NDRG4: variants seen among roughly 807,000 people sequenced by gnomAD.
NDRG4 encodes the protein NDRG family member 4.
A neutral mutation model predicts 55.8 loss-of-function variants in NDRG4; 38 were observed. The observed-to-expected ratio is 0.68, with a 90% CI of 0.53 to 0.89. The LOEUF (loss-of-function observed/expected upper bound fraction) is 0.89, where lower values mean the gene tolerates loss of function less well. Among genes scored for constraint, NDRG4 ranks in the 40% least tolerant of loss-of-function variants. The pLI is 0.00. For synonymous variants in NDRG4, 190 were observed against 182.7 expected (o/e 1.04, Z -0.32); for missense variants, 455 against 468.6 (o/e 0.97, Z 0.27).
chr16:58,478,693 T>TTTTG (rs1362928713), intron 1 of NDRG4, among the ~76,000 whole-genome samples: 3 of 14,346 alleles, frequency 2.1e-4, no homozygotes, highest in African/African-American at 5.1e-4. Context: ...CTTTTTTGTT[T>TTTTG]TTTGTTTTTT....
Position 58,493,866 on chromosome 16 carries a change from G to C in NDRG4, c.73-1098G>C, listed in dbSNP as rs142838851. Among the ~76,000 whole-genome samples the C allele has an allele frequency of 1.1e-4, 16 of 152,306 alleles. 1 individual carries two copies. The highest frequency in any genetic ancestry group is 4.6e-4 in the Admixed American group (7 of 15,304). ...AAGTGGCCCGAGTCTGAGCTGGCCA[G>C]CTGTCTTGTTGTACAGATGGGGAGA... On this transcript the variant is annotated intron_variant, in intron 2 of 15. Transcript: ENST00000258187.
chr16:58,511,694 GA>G lies in NDRG4; in HGVS notation c.*125del, dbSNP rs552415978. The G allele has an allele frequency of 1.6e-6, 2 of 1,274,728 alleles. No homozygotes were observed. Among genetic ancestry groups the G allele is most frequent in the Middle Eastern group, 1.9e-4 (1 of 5,400 alleles). The allele number at this position is 1,274,728 out of a possible 1,614,324, so 79.0% of individuals were successfully genotyped here. A position where few individuals can be genotyped will look rare whatever the true frequency, so the allele number is the denominator to read the frequency against. On this transcript the variant is annotated 3_prime_UTR_variant, in exon 15 of 15. Transcript: ENST00000570248. The stretch of plus-strand genomic sequence containing the variant: ...AAGGGGAGGAAATGGGGTTCTGTTT[GA>G]AAAAAATGAGGGGATCTTAGATGCT...
intron 4 of NDRG4, 61 bp from the exon 5 acceptor site, chr16:58,504,528 G>A: frequency 6.2e-7 from 1 of 1,612,528 alleles, no homozygotes; most frequent in Non-Finnish European, 8.5e-7. Context: ...GGCCTGCTCT[G>A]GATGACATGT....
chr16:58,466,482 C>T (rs534645174), intron 1 of NDRG4, among the ~76,000 whole-genome samples: 1 of 152,336 alleles, frequency 6.6e-6, no homozygotes, highest in East Asian at 1.9e-4. Context: ...ACTGTTCTCT[C>T]ATCTCCTGGA....
intron 2 of NDRG4, chr16:58,487,974 C>T (rs1478582443): frequency 1.5e-6 from 1 of 671,890 alleles, no homozygotes; most frequent in Non-Finnish European, 2.3e-6. Context: ...GAAGCCCTGT[C>T]CCTGCCTGTG....
downstream of NDRG4, among the ~76,000 whole-genome samples, chr16:58,514,380 G>A (rs1434763000): frequency 2.6e-5 from 4 of 152,014 alleles, no homozygotes; most frequent in Non-Finnish European, 5.9e-5. Context: ...TAATTCTACA[G>A]AGTAGGTATT....
rs77871690 is a variant in NDRG4 at position 58,482,448 on chromosome 16, G to A, written c.-23-5308G>A. 2.0e-4 allele frequency among the ~76,000 whole-genome samples: 30 copies of A among 152,052 alleles called. No individual in the cohort carries two copies. In the East Asian group the frequency reaches 3.9e-3, roughly 20 times the overall value. ...TGCCCTCTTCTCTTTCAGTTCTAGC[G>A]TTTCTCACTGTGCAGCTGTGGGGGG... On this transcript the variant is annotated intron_variant, in intron 1 of 15. Transcript: ENST00000258187.
chr16:58,508,000 G>T lies in NDRG4; in HGVS notation c.729+1G>T. On this transcript the variant is annotated splice_donor_variant, in intron 10 of 14. Coordinates refer to ENST00000570248, the MANE Select transcript of NDRG4 (RefSeq NM_001242835.2). LOFTEE classifies it high-confidence loss of function. ...TAATGCACCCGCTGAGGACGGGGTG[G>T]TAAGTGAGGGGCTGTGGGCTCACTG... The T allele has an allele frequency of 6.5e-7, 1 of 1,548,768 alleles. No individual in the cohort carries two copies. The highest frequency in any genetic ancestry group is 8.8e-7 in the Non-Finnish European group (1 of 1,139,228).
chr16:58,491,304 GAC>G (rs1301306623), intron 2 of NDRG4, among the ~76,000 whole-genome samples: 2 of 151,884 alleles, frequency 1.3e-5, no homozygotes, highest in African/African-American at 2.4e-5. Flanking sequence ...CCCCACACCC[GAC>G]ACAGCCTCCT....
Position 58,509,207 on chromosome 16 carries a change from C to T in NDRG4, c.813+18C>T, listed in dbSNP as rs1408783838. On this transcript the variant is annotated intron_variant, in intron 12 of 14. Coordinates refer to ENST00000570248, the MANE Select transcript of NDRG4 (RefSeq NM_001242835.2). ...TCACACAGGTGAGACTTTTGGCCCT[C>T]CTGCCCTTACATCTATGGGGAGGGG... is the stretch of plus-strand genomic sequence containing the variant. The T allele has an allele frequency of 6.2e-7, 1 of 1,614,038 alleles. No homozygotes were observed. The highest frequency in any genetic ancestry group is 1.3e-5 in the African/African-American group (1 of 75,056).
At chr16:58,505,274 G>A (rs1422945915) in intron 5 of NDRG4, among the ~76,000 whole-genome samples, 9 of 151,922 alleles carry the variant, frequency 5.9e-5, no homozygotes, top group South Asian at 4.2e-4. Flanking sequence ...GCGTGAACCC[G>A]GGAGGCGGAG....
rs779473271 is a variant in NDRG4, at chr16:58,504,371, C to T, written c.261C>T (p.Pro87=). The T allele has an allele frequency of 1.2e-6, 2 of 1,613,328 alleles. No homozygotes were observed. Among genetic ancestry groups the T allele is most frequent in the East Asian group, 2.2e-5 (1 of 44,886 alleles). The change falls in exon 4 of 15, where the codon CCC becomes CCT. Residue 87 remains proline (P), a synonymous_variant. Transcript: ENST00000570248. ...ASQFPQGYQF[P]SMEQLAAMLP... ...GCTCTGCCTGCAGGTACCAGTTCCCCTCCATGGAGCAGCTGGCTGCCATGC... is the reference window on the plus strand; with the variant it reads ...GCTCTGCCTGCAGGTACCAGTTCCCTTCCATGGAGCAGCTGGCTGCCATGC...
At chr16:58,472,489 C>A (rs559875759) in intron 1 of NDRG4, among the ~76,000 whole-genome samples, 1 of 152,162 alleles carries the variant, frequency 6.6e-6, no homozygotes, top group Non-Finnish European at 1.5e-5. Context: ...CACTGGGGCC[C>A]GGCTGCCTGT....
chr16:58,505,497 A>G (rs2037818667), intron 5 of NDRG4, among the ~76,000 whole-genome samples: 1 of 151,824 alleles, frequency 6.6e-6, no homozygotes, highest in Non-Finnish European at 1.5e-5. Context: ...GAAATGACCA[A>G]GAATTTTCAA....
At chr16:58,501,133 C>A (rs939836442) in intron 1 of NDRG4, 1 of 1,146,880 alleles carries the variant, frequency 8.7e-7, no homozygotes, top group East Asian at 3.2e-5. Context: ...CTCACCCCCA[C>A]CCCCGGGCCC....
intron 1 of NDRG4, among the ~76,000 whole-genome samples, chr16:58,477,149 A>G (rs964903504): frequency 1.3e-5 from 2 of 150,962 alleles, no homozygotes; most frequent in African/African-American, 4.9e-5. Flanking sequence ...TATGTGTGAT[A>G]TATATATATG....
At chr16:58,494,191 G>C (rs940206988) in intron 2 of NDRG4, among the ~76,000 whole-genome samples, 2 of 152,204 alleles carry the variant, frequency 1.3e-5, no homozygotes, top group Admixed American at 6.5e-5. Flanking sequence ...GGTCCGGTGG[G>C]TAGAACACGC....
chr16:58,509,379 A>G, intron 13 of NDRG4, 27 bp downstream of exon 13: 2 of 1,609,452 alleles, frequency 1.2e-6, no homozygotes, highest in Non-Finnish European at 1.7e-6. Context: ...CCCACCCCAC[A>G]CCACCTAGAG....
chr16:58,508,019 C>T lies in NDRG4; in HGVS notation c.729+20C>T. 6.5e-7 allele frequency: 1 copy of T among 1,531,454 alleles called. No individual in the cohort carries two copies. Among genetic ancestry groups the T allele is most frequent in the South Asian group, 1.3e-5 (1 of 78,822 alleles). The allele number at this position is 1,531,454 out of a possible 1,614,324, so 94.9% of individuals were successfully genotyped here. A position where few individuals can be genotyped will look rare whatever the true frequency, so the allele number is the denominator to read the frequency against. ...GGGGTGGTAAGTGAGGGGCTGTGGGCTCACTGGGGGTGGGAGGTAGGGGTG... is the reference window on the plus strand; with the variant it reads ...GGGGTGGTAAGTGAGGGGCTGTGGGTTCACTGGGGGTGGGAGGTAGGGGTG... On this transcript the variant is annotated intron_variant, in intron 10 of 14. Transcript: ENST00000570248.
Sources: allele counts gnomAD v4.1 joint callset (sites outside exome capture counted in the v4.1 genomes callset), GRCh38; gene constraint gnomAD v4.1.1; transcripts MANE v1.5; gene names NCBI Gene and HGNC (gene_info 2026-07-23, HGNC 2026-07-21).